Variants in MSANTD3 observed in about 807,000 individuals in gnomAD.
MSANTD3 encodes Myb/SANT DNA binding domain containing 3, also known as myb/SANT-like DNA-binding domain-containing protein 3.
In MSANTD3, 11 loss-of-function variants were observed where a neutral mutation model predicts 27.7. The observed-to-expected ratio is 0.40, with a 90% CI of 0.25 to 0.66. The LOEUF (loss-of-function observed/expected upper bound fraction) is 0.66. Ranked by LOEUF, MSANTD3 falls within the 30% of genes least tolerant of loss-of-function variation. The pLI is 0.41. For synonymous variants in MSANTD3, 131 were observed against 127.2 expected (o/e 1.03, Z -0.20); for missense variants, 250 against 336.5 (o/e 0.74, Z 2.01).
intron 1 of MSANTD3, among the ~76,000 whole-genome samples, chr9:100,437,056 C>T (rs995704954): frequency 5.3e-5 from 8 of 152,312 alleles, no homozygotes; most frequent in Middle Eastern, 3.4e-3. Context: ...CCACCTGCCT[C>T]GGCCTCCCAA....
chr9:100,448,665 A>G, intron 2 of MSANTD3: 1 of 985,342 alleles, frequency 1.0e-6, no homozygotes, highest in Non-Finnish European at 1.2e-6. Flanking sequence ...CTGTCTTCAG[A>G]GTACTTAGAG....
chr9:100,443,223 A>T (rs916483911), intron 2 of MSANTD3, among the ~76,000 whole-genome samples: 35 of 151,916 alleles, frequency 2.3e-4, no homozygotes, highest in African/African-American at 8.0e-4. Context: ...AACATGGAGA[A>T]ACCCCGTCTC....
At chr9:100,448,370 A>G in intron 2 of MSANTD3, 14 of 985,374 alleles carry the variant, frequency 1.4e-5, no homozygotes, top group Non-Finnish European at 1.7e-5. Flanking sequence ...TCCAGTCTTC[A>G]AAGAAGACAT....
chr9:100,435,533 G>A (rs748087480), intron 1 of MSANTD3, among the ~76,000 whole-genome samples: 9 of 152,228 alleles, frequency 5.9e-5, no homozygotes, highest in African/African-American at 9.6e-5. Context: ...ACCACAGATT[G>A]TGTGGTTGAA....
chr9:100,440,645 CG>C (rs1564249251), intron 1 of MSANTD3, among the ~76,000 whole-genome samples: 1 of 147,130 alleles, frequency 6.8e-6, no homozygotes, highest in Admixed American at 6.9e-5. Flanking sequence ...GGCTGGAGTG[CG>C]GTGGTGCAAA....
intron 1 of MSANTD3, among the ~76,000 whole-genome samples, chr9:100,428,985 G>T (rs545785463): frequency 8.1e-4 from 124 of 152,260 alleles, no homozygotes; most frequent in African/African-American, 2.6e-3. Context: ...AGGAGCTGAG[G>T]ACTTCACCCC....
intron 1 of MSANTD3, among the ~76,000 whole-genome samples, chr9:100,441,193 C>T (rs1014960653): frequency 2.0e-5 from 3 of 151,960 alleles, no homozygotes; most frequent in Non-Finnish European, 4.4e-5. Flanking sequence ...CTCAGCCTCC[C>T]ACATCATATT....
At chr9:100,428,826 A>T (rs761940391) in intron 1 of MSANTD3, among the ~76,000 whole-genome samples, 2 of 152,162 alleles carry the variant, frequency 1.3e-5, no homozygotes, top group Non-Finnish European at 2.9e-5. Context: ...TGCATTTTCA[A>T]CACCATTCAC....
chr9:100,443,959 T>A (rs2118242757), intron 2 of MSANTD3, among the ~76,000 whole-genome samples: 1 of 152,338 alleles, frequency 6.6e-6, no homozygotes, highest in East Asian at 1.9e-4. Context: ...GGAAATTCAA[T>A]TGTCAGTGCC....
At chr9:100,448,259 G>A in intron 2 of MSANTD3, 4 of 983,180 alleles carry the variant, frequency 4.1e-6, no homozygotes, top group Non-Finnish European at 4.8e-6. Context: ...GCAGCATTGT[G>A]AGGGGATGAA....
At chr9:100,438,586 T>C (rs1836533189) in intron 1 of MSANTD3, among the ~76,000 whole-genome samples, 1 of 152,192 alleles carries the variant, frequency 6.6e-6, no homozygotes, top group South Asian at 2.1e-4. Context: ...CATATTGACA[T>C]CTGGAGCAGA....
intron 1 of MSANTD3, among the ~76,000 whole-genome samples, chr9:100,429,909 GCCAGGCTGGTCTCAAACTCC>G (rs1390982657): frequency 6.6e-6 from 1 of 151,796 alleles, no homozygotes; most frequent in Admixed American, 6.6e-5. Context: ...CACCATGTTG[GCCAGGCTGGTCTCAAACTCC>G]TGACCTCAGG....
intron 1 of MSANTD3, among the ~76,000 whole-genome samples, chr9:100,428,148 G>C (rs1037831791): frequency 2.6e-5 from 4 of 152,202 alleles, no homozygotes; most frequent in African/African-American, 4.8e-5. Context: ...TTAGGAGTAC[G>C]AAACAGTGAA....
At chr9:100,433,619 C>T (rs1836417236) in intron 1 of MSANTD3, among the ~76,000 whole-genome samples, 1 of 152,154 alleles carries the variant, frequency 6.6e-6, no homozygotes, top group Non-Finnish European at 1.5e-5. Flanking sequence ...TCAAGCAATC[C>T]TCCTGCCTTA....
At chr9:100,439,782 G>C (rs1185290360) in intron 1 of MSANTD3, among the ~76,000 whole-genome samples, 1 of 151,410 alleles carries the variant, frequency 6.6e-6, no homozygotes, top group African/African-American at 2.4e-5. Context: ...GCCTCCCAAA[G>C]TCCTGGGATT....
intron 1 of MSANTD3, among the ~76,000 whole-genome samples, chr9:100,432,328 C>T (rs921682933): frequency 2.0e-5 from 3 of 152,140 alleles, no homozygotes; most frequent in African/African-American, 7.2e-5. Flanking sequence ...CAGGTATGTA[C>T]ATGTGCAGGC....
At chr9:100,432,969 T>C (rs1377166135) in intron 1 of MSANTD3, among the ~76,000 whole-genome samples, 5 of 152,188 alleles carry the variant, frequency 3.3e-5, no homozygotes, top group Admixed American at 2.6e-4. Flanking sequence ...AGACGAGGAA[T>C]TGACAGCAAG....
intron 1 of MSANTD3, among the ~76,000 whole-genome samples, chr9:100,438,338 A>G (rs1415052657): frequency 1.3e-5 from 2 of 152,250 alleles, no homozygotes; most frequent in African/African-American, 2.4e-5. Context: ...GGGATATAAC[A>G]TAAGTCTTAA....
rs1230667182 is a variant in MSANTD3, at chr9:100,442,479, C to T, written c.418+123C>T. The T allele has an allele frequency of 1.1e-5, 15 of 1,419,432 alleles. No homozygotes were observed. The East Asian group carries it at 3.7e-4, about 35-fold the overall frequency. 87.9% of individuals were successfully genotyped at this position (1,419,432 alleles called of 1,614,324 possible). A position where few individuals can be genotyped will look rare whatever the true frequency, so the allele number is the denominator to read the frequency against. ...AACTTTTGTATCAAATCCAATTTTC[C>T]TAATTCAAGATCTCAGGATTATATA... On this transcript the variant is annotated intron_variant, in intron 2 of 2. Coordinates refer to ENST00000395067, the MANE Select transcript of MSANTD3 (RefSeq NM_080655.3).
Sources: allele counts gnomAD v4.1 joint callset (sites outside exome capture counted in the v4.1 genomes callset), GRCh38; gene constraint gnomAD v4.1.1; transcripts MANE v1.5; gene names NCBI Gene and HGNC (gene_info 2026-07-23, HGNC 2026-07-21).